Variants in TNIK observed in about 807,000 individuals in gnomAD.
The protein encoded by TNIK is TRAF2 and NCK interacting kinase.
TNIK carries 49 observed loss-of-function variants against 191.3 expected under a neutral mutation model. The ratio of observed to expected loss-of-function variants is 0.26; its 90% confidence interval spans 0.20 to 0.32. The LOEUF (loss-of-function observed/expected upper bound fraction) is 0.32, where lower values mean the gene tolerates loss of function less well. TNIK is among the 10% of genes least tolerant of loss of function. The probability of loss-of-function intolerance (pLI) is 1.00; values close to 1 mark genes in which losing one functional copy is unlikely to be tolerated. For synonymous variants in TNIK, 594 were observed against 600.9 expected, an observed-to-expected ratio of 0.99 and a Z score of 0.17; for missense variants, 1,155 against 1,702.3, an observed-to-expected ratio of 0.68 and a Z score of 5.66.
At position 171,128,752 on chromosome 3, in the gene TNIK, C is replaced by G. The variant is rs1488258613; in HGVS notation, c.1735G>C (p.Ala579Pro). The stretch of plus-strand genomic sequence containing the variant: ...GGTCTGAGCATGGGGGGTGTTCGAG[C>G]AGGCTGAACTCCACTAATGCTGAAG... ...ESFSISGVQP[A>P]RTPPMLRPVD... is the part of the protein sequence containing the mutation. The change falls in exon 16 of 33, where the codon GCT becomes CCT. Residue 579 changes from alanine to proline, a missense_variant. Physicochemically the swap from Ala to Pro is conservative, Grantham distance 27 (BLOSUM62 -1). Around this residue, in one of 3 missense-constraint regions of TNIK, gnomAD observed 735 missense variants for 848.0 expected, o/e 0.87. Coordinates refer to ENST00000436636, the MANE Select transcript of TNIK (RefSeq NM_015028.4). The G allele has an allele frequency of 6.2e-7, 1 of 1,613,454 alleles. No individual in the cohort carries two copies. Among genetic ancestry groups the G allele is most frequent in the East Asian group, 2.2e-5 (1 of 44,882 alleles).
chr3:171,091,738 A>AAATAAT (rs71176591), intron 23 of TNIK, among the ~76,000 whole-genome samples: 6 of 151,266 alleles, frequency 4.0e-5, no homozygotes, highest in Admixed American at 1.3e-4. Flanking sequence ...CCATCTCCAA[A>AAATAAT]AATAATAATA....
chr3:171,266,128 G>A (rs1218261116), intron 2 of TNIK, among the ~76,000 whole-genome samples: 1 of 152,136 alleles, frequency 6.6e-6, no homozygotes, highest in East Asian at 1.9e-4. Flanking sequence ...GGGGAAGATA[G>A]GAGGAAAGAG....
intron 2 of TNIK, among the ~76,000 whole-genome samples, chr3:171,245,264 C>A (rs1745463998): frequency 6.6e-6 from 1 of 152,054 alleles, no homozygotes; most frequent in African/African-American, 2.4e-5. Flanking sequence ...CCACCTAAAT[C>A]AAAGTTAGAG....
At chr3:171,417,202 T>C (rs1390508354) in intron 1 of TNIK, among the ~76,000 whole-genome samples, 1 of 152,216 alleles carries the variant, frequency 6.6e-6, no homozygotes, top group Non-Finnish European at 1.5e-5. Flanking sequence ...TCAAAATATG[T>C]TTTGAAGAAA....
In TNIK at chr3:171,159,176, G is replaced by A. The variant is rs563823678; in HGVS notation, c.1017-1512C>T. Among the ~76,000 whole-genome samples the A allele has an allele frequency of 1.3e-5, 2 of 152,272 alleles. No individual in the cohort carries two copies. The highest frequency in any genetic ancestry group is 4.8e-5 in the African/African-American group (2 of 41,554). ...TGCTGCAGAGTGGTTCTGGGGTGGG[G>A]ACACCACCCAGGGCGAGAGCAGAGC... On this transcript the variant is annotated intron_variant, in intron 11 of 32. Transcript: ENST00000436636. This position sits in a 1 kb window ranked among gnomAD's most constrained non-coding sequence, Gnocchi z 4.1.
At position 171,188,740 on chromosome 3, in the gene TNIK, C is replaced by A; in HGVS notation, c.601G>T (p.Ala201Ser). 1 of 1,613,606 alleles carries A rather than the reference C, an allele frequency of 6.2e-7. No individual in the cohort carries two copies. Among genetic ancestry groups the A allele is most frequent in the East Asian group, 2.2e-5 (1 of 44,868 alleles). The change falls in exon 7 of 33, where the codon GCC becomes TCC. Residue 201 changes from alanine to serine, a missense_variant. Ala to Ser is a moderately conservative substitution (Grantham distance 99, BLOSUM62 1). This residue lies in a region of TNIK where 225 missense variants were observed against 438.9 expected (regional missense o/e 0.51). Coordinates refer to ENST00000436636, the MANE Select transcript of TNIK (RefSeq NM_015028.4). ...TPYWMAPEVI[A>S]CDENPDATYD... The stretch of plus-strand genomic sequence containing the variant: ...GTGGCATCTGGGTTTTCATCACAGG[C>A]AATAACTTCTGGTGCCATCCAGTAG...
intron 2 of TNIK, among the ~76,000 whole-genome samples, chr3:171,324,021 T>C (rs1488386648): frequency 6.6e-6 from 1 of 151,964 alleles, no homozygotes; most frequent in Non-Finnish European, 1.5e-5. Context: ...CTCCAGTAAA[T>C]ATCCATTGGC....
intron 4 of TNIK, among the ~76,000 whole-genome samples, chr3:171,203,834 T>TA (rs1345002460): frequency 3.3e-5 from 5 of 152,212 alleles, no homozygotes; most frequent in African/African-American, 7.2e-5. Flanking sequence ...TCTTAAGTCT[T>TA]GGCTCTGCAA....
At chr3:171,401,399 A>G (rs532348390) in intron 1 of TNIK, among the ~76,000 whole-genome samples, 5 of 152,286 alleles carry the variant, frequency 3.3e-5, no homozygotes, top group East Asian at 1.9e-4. Context: ...CTCCCAGGTA[A>G]TTAAGATGCA....
At chr3:171,172,010 C>T (rs1463601400) in intron 9 of TNIK, among the ~76,000 whole-genome samples, 1 of 152,164 alleles carries the variant, frequency 6.6e-6, no homozygotes, top group Non-Finnish European at 1.5e-5. Flanking sequence ...GGCCTCTCCT[C>T]ATCATACCAA....
In TNIK at chr3:171,063,715, T is replaced by C; in HGVS notation, c.*166A>G. On this transcript the variant is annotated 3_prime_UTR_variant, in exon 33 of 33. Transcript: ENST00000436636. ...TCTCCTTCTCAACCAGGCTGCAACA[T>C]TGAAAGATGGACTGTACTGGGAGGG... 5.2e-6 allele frequency: 3 copies of C among 573,918 alleles called. No homozygotes were observed. The highest frequency in any genetic ancestry group is 8.8e-6 in the Non-Finnish European group (3 of 341,678). 35.6% of individuals were successfully genotyped at this position (573,918 alleles called of 1,614,324 possible).
At chr3:171,316,929 T>C (rs530589544) in intron 2 of TNIK, among the ~76,000 whole-genome samples, 14 of 101,274 alleles carry the variant, frequency 1.4e-4, no homozygotes, top group African/African-American at 5.5e-4. Flanking sequence ...TCATATAAAA[T>C]ATATAATTAT....
At chr3:171,319,512 GA>G (rs369246394) in intron 2 of TNIK, among the ~76,000 whole-genome samples, 259 of 150,532 alleles carry the variant, frequency 1.7e-3, no homozygotes, top group African/African-American at 5.6e-3. Flanking sequence ...AGATTTGGGG[GA>G]AAAAAAAAGA....
chr3:171,103,903 A>G (rs1384130170), intron 21 of TNIK, among the ~76,000 whole-genome samples: 5 of 152,072 alleles, frequency 3.3e-5, no homozygotes, highest in Non-Finnish European at 5.9e-5. Context: ...CAGGCTACTG[A>G]TTTAAAAAAA....
At chr3:171,440,992 T>A (rs1298074403) in intron 1 of TNIK, among the ~76,000 whole-genome samples, 1 of 152,176 alleles carries the variant, frequency 6.6e-6, no homozygotes, top group Non-Finnish European at 1.5e-5. Flanking sequence ...ATCGTTATGT[T>A]TGTAAAATAT....
rs137917336 is a variant in TNIK at position 171,199,633 on chromosome 3, G to A, written c.307-4998C>T. ...AGTCTACACTCATTAAGTAACTTGA[G>A]CAGGGTGAAAGCACGTTGCTCTCTC... On this transcript the variant is annotated intron_variant, in intron 4 of 32. Coordinates refer to ENST00000436636, the MANE Select transcript of TNIK (RefSeq NM_015028.4). 9.7e-4 allele frequency among the ~76,000 whole-genome samples: 147 copies of A among 152,304 alleles called. 1 individual carries two copies. Among genetic ancestry groups the A allele is most frequent in the African/African-American group, 3.2e-3 (135 of 41,568 alleles).
chr3:171,302,004 C>T (rs1040033226), intron 2 of TNIK, among the ~76,000 whole-genome samples: 17 of 152,092 alleles, frequency 1.1e-4, no homozygotes, highest in Non-Finnish European at 1.8e-4. Flanking sequence ...AATAAATTGG[C>T]GAAATGTTCA....
At chr3:171,265,158 C>A (rs1438178358) in intron 2 of TNIK, among the ~76,000 whole-genome samples, 1 of 152,110 alleles carries the variant, frequency 6.6e-6, no homozygotes, top group Non-Finnish European at 1.5e-5. Flanking sequence ...ATGTAGGCAC[C>A]AGGAAGCAGA....
chr3:171,180,356 C>A (rs183489430), intron 7 of TNIK, among the ~76,000 whole-genome samples: 120 of 152,098 alleles, frequency 7.9e-4, no homozygotes, highest in African/African-American at 2.6e-3. Flanking sequence ...CCATATTTGT[C>A]CCCCACAGAA....
Sources: allele counts gnomAD v4.1 joint callset (sites outside exome capture counted in the v4.1 genomes callset), GRCh38; gene constraint gnomAD v4.1.1; regional missense constraint gnomAD v4.1.1; non-coding constraint Gnocchi (gnomAD v3.1); transcripts MANE v1.5; gene names NCBI Gene and HGNC (gene_info 2026-07-23, HGNC 2026-07-21).